Variants in ADAD1 observed in about 807,000 individuals in gnomAD.
ADAD1 encodes the protein adenosine deaminase domain-containing protein 1.
ADAD1 carries 46 observed loss-of-function variants against 66.8 expected under a neutral mutation model. The ratio of observed to expected loss-of-function variants is 0.69; its 90% CI spans 0.54 to 0.88. The LOEUF (loss-of-function observed/expected upper bound fraction) is 0.88, where lower values mean the gene tolerates loss of function less well. Ranked by LOEUF, ADAD1 falls within the 40% of genes least tolerant of loss-of-function variation. The probability of loss-of-function intolerance (pLI) is 0.00; values close to 1 mark genes in which losing one functional copy is unlikely to be tolerated. For synonymous variants in ADAD1, 248 were observed against 229.4 expected, an observed-to-expected ratio of 1.08 and a Z score of -0.73; for missense variants, 617 against 681.8, an observed-to-expected ratio of 0.91 and a Z score of 1.06.
At chr4:122,405,922 G>T (rs917671964) in intron 7 of ADAD1, among the ~76,000 whole-genome samples, 2 of 151,888 alleles carry the variant, frequency 1.3e-5, no homozygotes, top group Admixed American at 6.6e-5. Context: ...TCTTCTTTTT[G>T]GGGGGGCTGA....
intron 10 of ADAD1, among the ~76,000 whole-genome samples, chr4:122,413,294 T>C (rs1796555635): frequency 6.6e-6 from 1 of 152,180 alleles, no homozygotes; most frequent in Non-Finnish European, 1.5e-5. Context: ...ACAAATTTTA[T>C]GCTGTGGATG....
chr4:122,421,943 A>G (rs1181571047), intron 12 of ADAD1, among the ~76,000 whole-genome samples: 1 of 152,076 alleles, frequency 6.6e-6, no homozygotes, highest in Non-Finnish European at 1.5e-5. Flanking sequence ...AATATTATTA[A>G]TACTTGTAAT....
intron 12 of ADAD1, among the ~76,000 whole-genome samples, chr4:122,426,329 A>T (rs1797236272): frequency 6.6e-6 from 1 of 152,186 alleles, no homozygotes; most frequent in South Asian, 2.1e-4. Flanking sequence ...TAAGAAATCA[A>T]ATTACTAATT....
chr4:122,424,219 G>A (rs1361083089), intron 12 of ADAD1, among the ~76,000 whole-genome samples: 2 of 152,172 alleles, frequency 1.3e-5, no homozygotes, highest in Non-Finnish European at 2.9e-5. Flanking sequence ...GAATTCCAAA[G>A]AAAGTACTTG....
intron 5 of ADAD1, among the ~76,000 whole-genome samples, chr4:122,386,615 C>T (rs1009745853): frequency 6.6e-6 from 1 of 152,156 alleles, no homozygotes; most frequent in African/African-American, 2.4e-5. Flanking sequence ...TTGCCCATGC[C>T]TGTGTCCTGA....
At chr4:122,429,502 T>C in intron 12 of ADAD1, 124 bp from the exon 13 acceptor site, 1 of 563,936 alleles carries the variant, frequency 1.8e-6, no homozygotes, top group Middle Eastern at 4.7e-4. Context: ...TATTAAAATA[T>C]AGGAATTAAA....
At chr4:122,380,029 C>A in intron 2 of ADAD1, 33 bp from the exon 3 acceptor site, 1 of 1,574,552 alleles carries the variant, frequency 6.4e-7, no homozygotes, top group South Asian at 1.2e-5. Flanking sequence ...AGCGTTTTGT[C>A]TTGTTTTCTG....
chr4:122,418,370 C>T (rs1056655952), intron 11 of ADAD1, among the ~76,000 whole-genome samples: 2 of 139,450 alleles, frequency 1.4e-5, no homozygotes, highest in African/African-American at 5.3e-5. Context: ...AGTGCAGTGG[C>T]GCGATATCGG....
At position 122,411,204 on chromosome 4, in the gene ADAD1, T is replaced by C; in HGVS notation, c.849-18T>C. On this transcript the variant is annotated intron_variant, in intron 8 of 12. Coordinates refer to ENST00000296513, the MANE Select transcript of ADAD1 (RefSeq NM_139243.4). Reference sequence around the variant, plus strand: ...TTATAAAGTTTATTACTTGACAAAATTATAACATTTATTTTAGGTACTTTT... The same window carrying C: ...TTATAAAGTTTATTACTTGACAAAACTATAACATTTATTTTAGGTACTTTT... 1 of 1,559,162 alleles carries C rather than the reference T, an allele frequency of 6.4e-7. No individual in the cohort carries two copies. The highest frequency in any genetic ancestry group is 8.7e-7 in the Non-Finnish European group (1 of 1,152,106).
intron 12 of ADAD1, among the ~76,000 whole-genome samples, chr4:122,428,619 C>T (rs893671268): frequency 1.3e-5 from 2 of 152,122 alleles, no homozygotes; most frequent in Admixed American, 6.5e-5. Flanking sequence ...CATGAAACAA[C>T]GTAAATGAAC....
chr4:122,385,383 A>C (rs181336982), intron 5 of ADAD1, among the ~76,000 whole-genome samples: 50 of 151,968 alleles, frequency 3.3e-4, no homozygotes, highest in African/African-American at 1.2e-3. Flanking sequence ...AGTGATTCTC[A>C]TTCCTCAGCC....
Position 122,421,313 on chromosome 4 carries a change from ATGT to A in ADAD1, c.1542_1544del (p.Met514_Leu515delinsIle), listed in dbSNP as rs1796992288. ...GGCAAGTCGGCTTTGTAAGGCTGCA[ATGT>A]TAAGTCGGTTTAACCTGCTTGCCAA... On this transcript the variant is annotated inframe_deletion, in exon 12 of 13. Transcript: ENST00000296513. 6 of 1,607,006 alleles carry A rather than the reference ATGT, an allele frequency of 3.7e-6. No homozygotes were observed. The highest frequency in any genetic ancestry group is 1.3e-5 in the African/African-American group (1 of 74,876).
rs556339229 is a variant in ADAD1, at chr4:122,429,425, A to G, written c.1618-201A>G. On this transcript the variant is annotated intron_variant, in intron 12 of 12. Coordinates refer to ENST00000296513, the MANE Select transcript of ADAD1 (RefSeq NM_139243.4). Reference sequence around the variant, plus strand: ...ACAGAACAAGACCTTGGCTCTTAGGAAAAAAAAAAAAAGGAGAATAATTGC... The same window carrying G: ...ACAGAACAAGACCTTGGCTCTTAGGGAAAAAAAAAAAAGGAGAATAATTGC... Among the ~76,000 whole-genome samples, 13 of 143,730 alleles carry G rather than the reference A, an allele frequency of 9.0e-5. No homozygotes were observed. The East Asian group carries it at 1.6e-3, about 18-fold the overall frequency. The allele number at this position is 143,730 out of a possible 152,430, so 94.3% of individuals were successfully genotyped here.
In ADAD1 at chr4:122,421,249, C is replaced by T; in HGVS notation, c.1488-12C>T. 1 of 1,528,394 alleles carries T rather than the reference C, an allele frequency of 6.5e-7. No individual in the cohort carries two copies. The highest frequency in any genetic ancestry group is 8.8e-7 in the Non-Finnish European group (1 of 1,132,544). 94.7% of individuals were successfully genotyped at this position (1,528,394 alleles called of 1,614,324 possible). On this transcript the variant is annotated splice_polypyrimidine_tract_variant and intron_variant, in intron 11 of 12. Coordinates refer to ENST00000296513, the MANE Select transcript of ADAD1 (RefSeq NM_139243.4). ...AAAAGAAATTTAAAAAATTTTATTT[C>T]TCTCTGCTTAGTTCCCCATTTAAAA...
At chr4:122,386,476 C>A (rs1035703355) in intron 5 of ADAD1, among the ~76,000 whole-genome samples, 1 of 150,234 alleles carries the variant, frequency 6.7e-6, no homozygotes, top group Non-Finnish European at 1.5e-5. Context: ...AAAATTTTCT[C>A]CCATTTTGTA....
intron 12 of ADAD1, among the ~76,000 whole-genome samples, chr4:122,423,996 C>T (rs73846650): frequency 0.012 from 1,850 of 152,150 alleles, 40 homozygotes; most frequent in African/African-American, 0.041. Flanking sequence ...TTTTGTGACT[C>T]GTGAATTATA....
Position 122,415,417 on chromosome 4 carries a change from G to A in ADAD1, c.1288G>A (p.Ala430Thr), listed in dbSNP as rs546801281. ...NCSDTRGLEI[A>T]IKQRVDDALT... ...CAGTGATACCAGAGGCTTAGAAATC[G>A]CTATAAAGCAACGTGTTGATGATGC... Residue 430 changes from alanine (A) to threonine (T), a missense_variant, in exon 11 of 13, where the codon GCT becomes ACT. Ala to Thr is a moderately conservative substitution (Grantham distance 58). Coordinates refer to ENST00000296513, the MANE Select transcript of ADAD1 (RefSeq NM_139243.4). The A allele has an allele frequency of 1.4e-5, 23 of 1,613,524 alleles. No individual in the cohort carries two copies. Among genetic ancestry groups the A allele is most frequent in the Non-Finnish European group, 1.6e-5 (19 of 1,179,760 alleles).
At chr4:122,400,283 A>T (rs1795912583) in intron 7 of ADAD1, among the ~76,000 whole-genome samples, 2 of 151,908 alleles carry the variant, frequency 1.3e-5, no homozygotes, top group African/African-American at 2.4e-5. Context: ...TTTGTTTTTA[A>T]TTCTGTTTAT....
intron 11 of ADAD1, 152 bp from the exon 12 acceptor site, chr4:122,421,109 T>C (rs771527050): frequency 7.8e-6 from 3 of 383,222 alleles, no homozygotes; most frequent in African/African-American, 4.2e-5. Context: ...AAAGTAAATA[T>C]TAAGAATGCC....
Sources: allele counts gnomAD v4.1 joint callset (sites outside exome capture counted in the v4.1 genomes callset), GRCh38; gene constraint gnomAD v4.1.1; transcripts MANE v1.5; gene names NCBI Gene and HGNC (gene_info 2026-07-23, HGNC 2026-07-21).